Variants in TSPAN9 observed in about 807,000 individuals in gnomAD.
TSPAN9 encodes the protein tetraspanin-9.
Under a neutral mutation model 31.0 loss-of-function variants are expected in TSPAN9, and 16 were observed. The ratio of observed to expected loss-of-function variants is 0.52; its 90% confidence interval spans 0.35 to 0.78. The LOEUF (loss-of-function observed/expected upper bound fraction) is 0.78, where lower values mean the gene tolerates loss of function less well. Among genes scored for constraint, TSPAN9 ranks in the 30% least tolerant of loss-of-function variants. The probability of loss-of-function intolerance (pLI) is 0.01; values close to 1 mark genes in which losing one functional copy is unlikely to be tolerated. For missense variants in TSPAN9, 272 were observed against 312.5 expected (o/e 0.87, Z 0.98); for synonymous variants, 145 against 121.6 (o/e 1.19, Z -1.27).
At chr12:3,151,679 A>G (rs1307833079) in intron 2 of TSPAN9, among the ~76,000 whole-genome samples, 1 of 152,134 alleles carries the variant, frequency 6.6e-6, no homozygotes, top group Non-Finnish European at 1.5e-5. Flanking sequence ...CCTTAAACCC[A>G]GATATGAAAC....
intron 3 of TSPAN9, among the ~76,000 whole-genome samples, chr12:3,247,170 G>T (rs1862152169): frequency 6.6e-6 from 1 of 152,108 alleles, no homozygotes; most frequent in Non-Finnish European, 1.5e-5. Flanking sequence ...GCATGTCCTA[G>T]GCCTGGCCCT....
At chr12:3,127,070 A>G (rs1055738817) in intron 2 of TSPAN9, among the ~76,000 whole-genome samples, 3 of 151,782 alleles carry the variant, frequency 2.0e-5, no homozygotes, top group East Asian at 2.0e-4. Flanking sequence ...AGCATGTCCA[A>G]CTTGTGCTAG....
chr12:3,207,501 C>T (rs955755705), intron 3 of TSPAN9, among the ~76,000 whole-genome samples: 8 of 151,920 alleles, frequency 5.3e-5, no homozygotes, highest in African/African-American at 1.2e-4. Flanking sequence ...CACGGTCAGG[C>T]GGGGGAGCAG....
intron 2 of TSPAN9, among the ~76,000 whole-genome samples, chr12:3,195,418 CTTTT>C (rs1157131853): frequency 2.0e-5 from 3 of 151,994 alleles, no homozygotes; most frequent in African/African-American, 7.3e-5. Flanking sequence ...AGTTACTTCA[CTTTT>C]TTTGTTAAAA....
At chr12:3,103,233 C>G (rs552604466) in intron 2 of TSPAN9, among the ~76,000 whole-genome samples, 12 of 152,360 alleles carry the variant, frequency 7.9e-5, no homozygotes, top group African/African-American at 2.2e-4. Context: ...CCTCAGAACA[C>G]ACTTGCCCTC....
At chr12:3,270,563 A>ACT (rs1862656874) in intron 3 of TSPAN9, among the ~76,000 whole-genome samples, 1 of 152,200 alleles carries the variant, frequency 6.6e-6, no homozygotes, top group African/African-American at 2.4e-5. Context: ...TGCCCCCCAT[A>ACT]CTGAGGCTAG....
chr12:3,273,702 C>A (rs961222222), intron 3 of TSPAN9, among the ~76,000 whole-genome samples: 4 of 152,200 alleles, frequency 2.6e-5, no homozygotes, highest in Non-Finnish European at 4.4e-5. Context: ...TGCCCTGCAC[C>A]TCCCTCTCCT....
chr12:3,161,734 A>G (rs777220338), intron 2 of TSPAN9, among the ~76,000 whole-genome samples: 7 of 152,176 alleles, frequency 4.6e-5, no homozygotes, highest in Middle Eastern at 3.4e-3. Flanking sequence ...GGTGCTTGCT[A>G]TGGTTTGAAT....
intron 3 of TSPAN9, among the ~76,000 whole-genome samples, chr12:3,244,856 T>C (rs2098398616): frequency 1.3e-5 from 2 of 152,106 alleles, no homozygotes; most frequent in South Asian, 4.1e-4. Context: ...CTGCTGAGGC[T>C]CTTCCTCCCC....
intron 2 of TSPAN9, among the ~76,000 whole-genome samples, chr12:3,169,546 T>C (rs1257827554): frequency 6.6e-6 from 1 of 152,208 alleles, no homozygotes; most frequent in Non-Finnish European, 1.5e-5. Context: ...GTTAATGGTA[T>C]GACAGCCTGG....
intron 8 of TSPAN9, 23 bp downstream of exon 8, chr12:3,281,840 C>T (rs1185520592): frequency 1.9e-6 from 3 of 1,611,568 alleles, no homozygotes; most frequent in Admixed American, 3.3e-5. Context: ...TCCCCAGCAG[C>T]CTCACCCACC....
chr12:3,196,093 C>T (rs551702543), intron 2 of TSPAN9, among the ~76,000 whole-genome samples: 2 of 152,204 alleles, frequency 1.3e-5, no homozygotes, highest in Non-Finnish European at 2.9e-5. Flanking sequence ...CCTTGTTCCG[C>T]GTCCTCTTAT....
chr12:3,175,190 G>A (rs1237261793), intron 2 of TSPAN9, among the ~76,000 whole-genome samples: 1 of 152,198 alleles, frequency 6.6e-6, no homozygotes, highest in East Asian at 1.9e-4. Flanking sequence ...CACCTGGGGT[G>A]AGACCTGGCA....
intron 2 of TSPAN9, among the ~76,000 whole-genome samples, chr12:3,091,335 G>A (rs565582510): frequency 2.6e-5 from 4 of 152,318 alleles, no homozygotes; most frequent in South Asian, 2.1e-4. Context: ...ACTCGACACC[G>A]TGACTTCCCG....
intron 3 of TSPAN9, among the ~76,000 whole-genome samples, chr12:3,254,688 A>G (rs1031454454): frequency 2.6e-5 from 4 of 152,158 alleles, no homozygotes; most frequent in South Asian, 4.1e-4. Flanking sequence ...TGAAGGGCAT[A>G]CTCTTAGTAA....
chr12:3,226,644 T>TTA (rs367907940), intron 3 of TSPAN9, among the ~76,000 whole-genome samples: 15 of 3,718 alleles, frequency 4.0e-3, no homozygotes, highest in African/African-American at 6.6e-3. Flanking sequence ...TAAAAAAATT[T>TTA]TATATATATG....
At chr12:3,252,650 C>G (rs1309645794) in intron 3 of TSPAN9, among the ~76,000 whole-genome samples, 1 of 152,244 alleles carries the variant, frequency 6.6e-6, no homozygotes, top group Non-Finnish European at 1.5e-5. Flanking sequence ...GGGAAGCCTT[C>G]CCTGGTCCAA....
intron 3 of TSPAN9, among the ~76,000 whole-genome samples, chr12:3,245,703 G>A (rs538157336): frequency 2.6e-5 from 4 of 152,160 alleles, no homozygotes; most frequent in East Asian, 1.9e-4. Context: ...CCCCCAACAC[G>A]CTTTGCTCAC....
chr12:3,137,646 C>G (rs573354459), intron 2 of TSPAN9, among the ~76,000 whole-genome samples: 8 of 152,156 alleles, frequency 5.3e-5, no homozygotes, highest in Admixed American at 5.2e-4. Flanking sequence ...TCATCTCCCC[C>G]ACCCCCTGCT....
Sources: gnomAD v4.1 joint callset for allele counts (sites outside exome capture counted in the v4.1 genomes callset) on GRCh38, gnomAD v4.1.1 for gene constraint, MANE v1.5 for transcripts, NCBI Gene and HGNC (gene_info 2026-07-23, HGNC 2026-07-21) for gene names.